The following PTPRB variants were observed in gnomAD, a reference collection of about 807,000 sequenced individuals.
The protein encoded by PTPRB is protein tyrosine phosphatase receptor type B, also known as receptor-type tyrosine-protein phosphatase beta.
A neutral mutation model predicts 238.1 loss-of-function variants in PTPRB; 97 were observed. The observed-to-expected ratio is 0.41, with a 90% CI of 0.35 to 0.48. The LOEUF is 0.48. PTPRB is among the 20% of genes least tolerant of loss of function. The probability of loss-of-function intolerance (pLI) is 0.30; values close to 1 mark genes in which losing one functional copy is unlikely to be tolerated. For missense variants in PTPRB, 2,292 were observed against 2,681.9 expected, an observed-to-expected ratio of 0.85 and a Z score of 3.21; for synonymous variants, 970 against 995.4, an observed-to-expected ratio of 0.97 and a Z score of 0.48.
chr12:70,584,628 G>A (rs1881704120), intron 9 of PTPRB, among the ~76,000 whole-genome samples: 1 of 152,042 alleles, frequency 6.6e-6, no homozygotes, highest in Non-Finnish European at 1.5e-5. Context: ...TAAACACAGA[G>A]TTGGAACTTA....
intron 7 of PTPRB, chr12:70,591,626 A>G (rs1235485913): frequency 6.6e-6 from 1 of 152,324 alleles, no homozygotes; most frequent in Non-Finnish European, 1.5e-5. Flanking sequence ...AGTTTTCTAA[A>G]GCAGGAGTTG....
At chr12:70,580,003 G>C (rs1473365179) in intron 10 of PTPRB, among the ~76,000 whole-genome samples, 1 of 151,784 alleles carries the variant, frequency 6.6e-6, no homozygotes, top group Non-Finnish European at 1.5e-5. Context: ...AGTAGACAAG[G>C]TCCCACTAAT....
chr12:70,560,632 T>TC lies in PTPRB; in HGVS notation c.4432+38dup, dbSNP rs746814527. 5.6e-6 allele frequency: 9 copies of TC among 1,605,826 alleles called. No individual in the cohort carries two copies. The highest frequency in any genetic ancestry group is 7.7e-6 in the Non-Finnish European group (9 of 1,175,034). Reference sequence around the variant, plus strand: ...TCAAAATGTGTCTCTGGAAGCTACTTCCCACCATCCCTTGGCCATTGGCAC... The same window carrying TC: ...TCAAAATGTGTCTCTGGAAGCTACTTCCCCACCATCCCTTGGCCATTGGCAC... On this transcript the variant is annotated intron_variant, in intron 17 of 33. Transcript: ENST00000334414. The surrounding 1 kb of genome is among the most constrained non-coding windows in gnomAD (Gnocchi z 4.2).
Position 70,519,980 on chromosome 12 carries a change from T to C in PTPRB, c.*1509A>G, listed in dbSNP as rs1239359812. 9.6e-6 allele frequency: 2 copies of C among 207,488 alleles called. No individual in the cohort carries two copies. Among genetic ancestry groups the C allele is most frequent in the Non-Finnish European group, 2.0e-5 (2 of 100,320 alleles). 12.9% of individuals were successfully genotyped at this position (207,488 alleles called of 1,614,324 possible). A position where few individuals can be genotyped will look rare whatever the true frequency, so the allele number is the denominator to read the frequency against. On this transcript the variant is annotated 3_prime_UTR_variant, in exon 34 of 34. Transcript: ENST00000334414. The stretch of plus-strand genomic sequence containing the variant: ...TCAATTATTATGTCAATTACATTCG[T>C]TGTATTCACTTACGGACTTTATGGT...
chr12:70,568,353 A>G (rs975725159), intron 14 of PTPRB, among the ~76,000 whole-genome samples: 2 of 152,110 alleles, frequency 1.3e-5, no homozygotes, highest in African/African-American at 4.8e-5. Flanking sequence ...GCTGGAGTGC[A>G]GTGGCATGAT....
In PTPRB at chr12:70,585,735, G is replaced by A. The variant is rs546362006; in HGVS notation, c.2311+1272C>T. On this transcript the variant is annotated intron_variant, in intron 9 of 33. Transcript: ENST00000334414. ...ATAGGTATACATGTGCCATGTTGGT[G>A]TGCTGTGCCCATTAACTCATCATTT... Among the ~76,000 whole-genome samples, 20 of 152,158 alleles carry A rather than the reference G, an allele frequency of 1.3e-4. No homozygotes were observed. In the East Asian group the frequency reaches 3.5e-3, roughly 26 times the overall value.
intron 18 of PTPRB, among the ~76,000 whole-genome samples, chr12:70,557,186 A>G (rs1877816945): frequency 6.6e-6 from 1 of 152,154 alleles, no homozygotes; most frequent in Admixed American, 6.5e-5. Context: ...CCAGGTACCA[A>G]AGGAGGAGGT....
intron 32 of PTPRB, among the ~76,000 whole-genome samples, chr12:70,528,391 T>G (rs1026254700): frequency 5.9e-5 from 9 of 151,976 alleles, no homozygotes; most frequent in Non-Finnish European, 1.2e-4. Context: ...GCAAGGGAAC[T>G]TTGATGGTGG....
chr12:70,549,854 C>G (rs772377763), intron 21 of PTPRB, among the ~76,000 whole-genome samples: 1 of 152,160 alleles, frequency 6.6e-6, no homozygotes, highest in Non-Finnish European at 1.5e-5. Flanking sequence ...TTCTGAAAAA[C>G]AAATATGTAC....
chr12:70,534,813 A>G lies in PTPRB; in HGVS notation c.6204+20T>C. ...TTCATCTCCCCAAGCTCGGTTGTTA[A>G]GTCAAGCAAGCTAACATACACCGCA... On this transcript the variant is annotated intron_variant, in intron 30 of 33. Coordinates refer to ENST00000334414, the MANE Select transcript of PTPRB (RefSeq NM_001109754.4). The G allele has an allele frequency of 6.2e-7, 1 of 1,610,064 alleles. No individual in the cohort carries two copies. The highest frequency in any genetic ancestry group is 8.5e-7 in the Non-Finnish European group (1 of 1,178,972).
chr12:70,548,346 TCACACA>T (rs56848578), intron 21 of PTPRB, among the ~76,000 whole-genome samples: 13,624 of 96,524 alleles, frequency 0.14, 875 homozygotes, highest in South Asian at 0.2. Flanking sequence ...TCTCTCTCTC[TCACACA>T]CACACACACA....
intron 2 of PTPRB, among the ~76,000 whole-genome samples, chr12:70,627,668 T>C: frequency 6.6e-6 from 1 of 152,116 alleles, no homozygotes; most frequent in Non-Finnish European, 1.5e-5. Context: ...CTGGATGCTA[T>C]ACCTGCTATC....
chr12:70,532,258 T>C (rs976244196), intron 31 of PTPRB, 88 bp from the exon 32 acceptor site: 1 of 1,433,302 alleles, frequency 7.0e-7, no homozygotes, highest in African/African-American at 1.5e-5. Context: ...AATCTTTTTT[T>C]TCCCTTCCCA....
chr12:70,595,242 G>C (rs1450465913), intron 5 of PTPRB, among the ~76,000 whole-genome samples: 1 of 151,988 alleles, frequency 6.6e-6, no homozygotes. Flanking sequence ...AGTGGGAGCT[G>C]AACAATGAGA....
chr12:70,563,065 G>A lies in PTPRB; in HGVS notation c.3947C>T (p.Thr1316Ile), dbSNP rs749748713. ...GGTCCAGCGGAAGGACAGGTGCCTG[G>A]TGGAGTTCTCTGTGATCCTCAGGTC... ...VTDLRITENSTRHLSFRWTAS... is the reference protein window; with the variant it reads ...VTDLRITENSIRHLSFRWTAS... The change falls in exon 16 of 34, where the codon ACC (threonine) becomes ATC (isoleucine). Residue 1316 changes from threonine to isoleucine, a missense_variant. This residue lies in a region of PTPRB where 683 missense variants were observed against 862.0 expected (regional missense o/e 0.79). Coordinates refer to ENST00000334414, the MANE Select transcript of PTPRB (RefSeq NM_001109754.4). 1 of 1,613,728 alleles carries A rather than the reference G, an allele frequency of 6.2e-7. No individual in the cohort carries two copies. The highest frequency in any genetic ancestry group is 1.1e-5 in the South Asian group (1 of 91,048).
chr12:70,607,940 GTAAGT>G, intron 4 of PTPRB, among the ~76,000 whole-genome samples: 1 of 152,046 alleles, frequency 6.6e-6, no homozygotes, highest in African/African-American at 2.4e-5. Context: ...TTCATCTGAA[GTAAGT>G]TAAGTGATGT....
In PTPRB at chr12:70,552,908, G is replaced by A. The variant is rs192182815; in HGVS notation, c.5256C>T (p.Ala1752=). 2.2e-5 allele frequency: 36 copies of A among 1,613,882 alleles called. No homozygotes were observed. The highest frequency in any genetic ancestry group is 1.7e-4 in the Admixed American group (10 of 60,020). Residue 1752 remains alanine, a synonymous_variant, in exon 21 of 34, where the codon GCC becomes GCT. Transcript: ENST00000334414. ...YQTNYFASKC[A]ENPNSNSKSF... ...TCTTGGAGTTGCTGTTAGGATTTTC[G>A]GCACATTTGCTGGCAAAATAATTAG...
At chr12:70,580,232 A>G (rs1881231966) in intron 10 of PTPRB, among the ~76,000 whole-genome samples, 1 of 152,166 alleles carries the variant, frequency 6.6e-6, no homozygotes, top group Non-Finnish European at 1.5e-5. Context: ...AGGTCAAGAA[A>G]AATTGTTTAG....
At position 70,521,393 on chromosome 12, in the gene PTPRB, C is replaced by A; in HGVS notation, c.*96G>T. On this transcript the variant is annotated 3_prime_UTR_variant, in exon 34 of 34. Coordinates refer to ENST00000334414, the MANE Select transcript of PTPRB (RefSeq NM_001109754.4). ...ATTAATAAATTATACATAGTATCAACAGAAATAGCTGGCACCTCTGTAGGG... is the reference window on the plus strand; with the variant it reads ...ATTAATAAATTATACATAGTATCAAAAGAAATAGCTGGCACCTCTGTAGGG... 1 of 859,396 alleles carries A rather than the reference C, an allele frequency of 1.2e-6. No individual in the cohort carries two copies. The highest frequency in any genetic ancestry group is 1.7e-6 in the Non-Finnish European group (1 of 590,062). 53.2% of individuals were successfully genotyped at this position (859,396 alleles called of 1,614,324 possible). A position where few individuals can be genotyped will look rare whatever the true frequency, so the allele number is the denominator to read the frequency against.
Sources: gnomAD v4.1 joint callset for allele counts (sites outside exome capture counted in the v4.1 genomes callset) on GRCh38, gnomAD v4.1.1 for gene constraint, gnomAD v4.1.1 regional missense constraint, Gnocchi (gnomAD v3.1) non-coding constraint, MANE v1.5 for transcripts, NCBI Gene and HGNC (gene_info 2026-07-23, HGNC 2026-07-21) for gene names.